The following SYNE2 variants were observed in gnomAD, a reference collection of about 807,000 sequenced individuals.
The protein encoded by SYNE2 is spectrin repeat containing nuclear envelope protein 2, also known as nesprin-2.
In SYNE2, 431 loss-of-function variants were observed where a neutral mutation model predicts 856.3. The observed-to-expected ratio is 0.50, with a 90% CI of 0.47 to 0.55. The LOEUF (loss-of-function observed/expected upper bound fraction) is 0.55. Ranked by LOEUF, SYNE2 falls within the 20% of genes least tolerant of loss-of-function variation. The pLI, the probability that SYNE2 is intolerant of heterozygous loss-of-function variation, is 0.00. For synonymous variants in SYNE2, 2,923 were observed against 2,872.3 expected, an observed-to-expected ratio of 1.02 and a Z score of -0.56; for missense variants, 8,129 against 8,023.2, an observed-to-expected ratio of 1.01 and a Z score of -0.50.
chr14:63,913,830 T>G (rs932783612), intron 2 of SYNE2, among the ~76,000 whole-genome samples: 4 of 24,890 alleles, frequency 1.6e-4, no homozygotes, highest in Non-Finnish European at 4.1e-4. Flanking sequence ...TAAATGGCTG[T>G]TTAAAATTTT....
At chr14:63,953,306 G>A (rs1418831274) in intron 7 of SYNE2, among the ~76,000 whole-genome samples, 1 of 152,156 alleles carries the variant, frequency 6.6e-6, no homozygotes, top group Non-Finnish European at 1.5e-5. Context: ...CAAGTGGGAG[G>A]CTTTATGAAG....
chr14:64,138,150 T>G, intron 79 of SYNE2, 167 bp downstream of exon 79: 1 of 691,660 alleles, frequency 1.4e-6, no homozygotes, highest in Non-Finnish European at 2.5e-6. Context: ...GTAGAATCTC[T>G]GATGGTTTGC....
chr14:64,147,523 A>G (rs1007442429), intron 84 of SYNE2, among the ~76,000 whole-genome samples: 5 of 152,102 alleles, frequency 3.3e-5, no homozygotes, highest in African/African-American at 1.2e-4. Context: ...TCTCTTTTTG[A>G]TAGATAATGG....
At chr14:64,112,399 A>G (rs1377578143) in intron 65 of SYNE2, among the ~76,000 whole-genome samples, 1 of 152,244 alleles carries the variant, frequency 6.6e-6, no homozygotes, top group African/African-American at 2.4e-5. Context: ...TTATTCCTAA[A>G]GGAATTTCTC....
In SYNE2 at chr14:64,052,444, G is replaced by A. The variant is rs762975055; in HGVS notation, c.8531G>A (p.Arg2844Lys). 8 of 1,613,022 alleles carry A rather than the reference G, an allele frequency of 5.0e-6. No individual in the cohort carries two copies. In the Admixed American group the frequency reaches 1.0e-4, roughly 20 times the overall value. The change falls in exon 48 of 116, where the codon AGG (arginine) becomes AAG (lysine). Residue 2844 changes from arginine (R) to lysine (K), a missense_variant. Transcript: ENST00000555002. ...EERSNFFAII[R>K]KFQLMVQESE... ...AGAAGCAATTTTTTTGCTATAATAAGGAAGTTTCAACTTATGGTTCAAGAA... is the reference window on the plus strand; with the variant it reads ...AGAAGCAATTTTTTTGCTATAATAAAGAAGTTTCAACTTATGGTTCAAGAA...
At position 63,940,594 on chromosome 14, in the gene SYNE2, T is replaced by C. The variant is rs535474357; in HGVS notation, c.80-20T>C. On this transcript the variant is annotated intron_variant, in intron 2 of 115. Coordinates refer to ENST00000555002, the MANE Select transcript of SYNE2 (RefSeq NM_182914.3). Reference sequence around the variant, plus strand: ...CTGAGGCTTCTGGTTTTATAACTGCTGTTGTTCTTTCTTTGATAGCTGAAC... The same window carrying C: ...CTGAGGCTTCTGGTTTTATAACTGCCGTTGTTCTTTCTTTGATAGCTGAAC... 6.2e-7 allele frequency: 1 copy of C among 1,613,518 alleles called. No individual in the cohort carries two copies. The highest frequency in any genetic ancestry group is 2.2e-5 in the East Asian group (1 of 44,860).
intron 1 of SYNE2, among the ~76,000 whole-genome samples, chr14:63,796,728 T>A (rs1476188293): frequency 6.6e-6 from 1 of 151,070 alleles, no homozygotes; most frequent in Non-Finnish European, 1.5e-5. Context: ...AGAAAAGATA[T>A]AACTCAGATT....
rs140232988 is a variant in SYNE2, at chr14:63,988,832, A to G, written c.2314-1579A>G. 2.5e-3 allele frequency among the ~76,000 whole-genome samples: 381 copies of G among 152,288 alleles called. 3 individuals carry two copies. The highest frequency in any genetic ancestry group is 8.6e-3 in the African/African-American group (357 of 41,546). Reference sequence around the variant, plus strand: ...TCAGATCTCGTGAAACTTATTCACTATTTTGAGAACAGCACAGGAAAGATC... The same window carrying G: ...TCAGATCTCGTGAAACTTATTCACTGTTTTGAGAACAGCACAGGAAAGATC... On this transcript the variant is annotated intron_variant, in intron 19 of 115. Coordinates refer to ENST00000555002, the MANE Select transcript of SYNE2 (RefSeq NM_182914.3).
intron 66 of SYNE2, among the ~76,000 whole-genome samples, chr14:64,115,658 G>A (rs1044859900): frequency 6.6e-6 from 1 of 152,138 alleles, no homozygotes; most frequent in Non-Finnish European, 1.5e-5. Context: ...TTTGAGTCTG[G>A]TGCTGGCACT....
intron 111 of SYNE2, 182 bp from the exon 112 acceptor site, chr14:64,221,390 TCTTC>T (rs1327786651): frequency 1.9e-6 from 2 of 1,064,074 alleles, no homozygotes; most frequent in African/African-American, 3.1e-5. Flanking sequence ...GTGCTGAGTG[TCTTC>T]CTTCTTTCCT....
chr14:64,061,055 T>G (rs1291289474), intron 49 of SYNE2, among the ~76,000 whole-genome samples: 1 of 152,212 alleles, frequency 6.6e-6, no homozygotes, highest in African/African-American at 2.4e-5. Flanking sequence ...TCCTCTTCCA[T>G]GCCTCTTTCA....
chr14:63,886,851 A>T (rs565916679), intron 1 of SYNE2, among the ~76,000 whole-genome samples: 1 of 152,144 alleles, frequency 6.6e-6, no homozygotes, highest in East Asian at 1.9e-4. Context: ...GTAGTGACAG[A>T]GTTTCACCAT....
chr14:63,831,032 G>C (rs1889649932), intron 1 of SYNE2, among the ~76,000 whole-genome samples: 1 of 151,768 alleles, frequency 6.6e-6, no homozygotes, highest in Admixed American at 6.6e-5. Flanking sequence ...GCAGAGACAG[G>C]GTTTCACCAG....
At chr14:63,803,721 G>A (rs574059676) in intron 1 of SYNE2, among the ~76,000 whole-genome samples, 4 of 152,344 alleles carry the variant, frequency 2.6e-5, no homozygotes, top group African/African-American at 4.8e-5. Flanking sequence ...ATAGTGCAGC[G>A]GTAGGCTGAA....
intron 108 of SYNE2, among the ~76,000 whole-genome samples, chr14:64,217,104 G>A (rs989762427): frequency 2.0e-5 from 3 of 152,196 alleles, no homozygotes; most frequent in Admixed American, 1.3e-4. Context: ...CAGTGGACAC[G>A]GATTTGATTC....
At chr14:64,095,917 T>C (rs8018154) in intron 61 of SYNE2, among the ~76,000 whole-genome samples, 23,176 of 152,022 alleles carry the variant, frequency 0.15, 2,328 homozygotes, top group African/African-American at 0.28. Flanking sequence ...CCCTCATGAA[T>C]GGGATTAGGT....
At chr14:63,956,764 C>T (rs1169223027) in intron 8 of SYNE2, among the ~76,000 whole-genome samples, 1 of 152,040 alleles carries the variant, frequency 6.6e-6, no homozygotes, top group Non-Finnish European at 1.5e-5. Context: ...ATACATGTTA[C>T]ACAATTGTAT....
intron 1 of SYNE2, among the ~76,000 whole-genome samples, chr14:63,777,278 G>A (rs1887146722): frequency 6.6e-6 from 1 of 152,198 alleles, no homozygotes; most frequent in Admixed American, 6.6e-5. Context: ...AAGAACAGTG[G>A]GAAACCATCT....
chr14:63,873,983 T>C (rs2094652902), intron 1 of SYNE2: 1 of 152,246 alleles, frequency 6.6e-6, no homozygotes, highest in East Asian at 1.9e-4. Context: ...TCTTGTTGGC[T>C]GCTTGTATTT....
Sources: gnomAD v4.1 joint callset for allele counts (sites outside exome capture counted in the v4.1 genomes callset) on GRCh38, gnomAD v4.1.1 for gene constraint, MANE v1.5 for transcripts, NCBI Gene and HGNC (gene_info 2026-07-23, HGNC 2026-07-21) for gene names.